The following STXBP5L variants were observed in gnomAD, a reference collection of about 807,000 sequenced individuals.
The protein encoded by STXBP5L is syntaxin binding protein 5L.
In STXBP5L, 65 loss-of-function variants were observed where a neutral mutation model predicts 144.5. The observed-to-expected ratio is 0.45, with a 90% confidence interval of 0.37 to 0.55. The LOEUF (loss-of-function observed/expected upper bound fraction) is 0.55, where lower values mean the gene tolerates loss of function less well. STXBP5L is among the 20% of genes least tolerant of loss of function. STXBP5L has a pLI of 0.00. For missense variants in STXBP5L, 1,298 were observed against 1,405.5 expected (o/e 0.92, Z 1.22); for synonymous variants, 505 against 469.6 (o/e 1.08, Z -0.97).
chr3:121,112,819 G>C (rs1218976306), intron 5 of STXBP5L, among the ~76,000 whole-genome samples: 1 of 152,130 alleles, frequency 6.6e-6, no homozygotes, highest in East Asian at 1.9e-4. Flanking sequence ...AGTTACAAAT[G>C]AAAGTGTAAT....
intron 18 of STXBP5L, among the ~76,000 whole-genome samples, chr3:121,272,833 A>C (rs2050770237): frequency 6.6e-6 from 1 of 151,996 alleles, no homozygotes; most frequent in Non-Finnish European, 1.5e-5. Flanking sequence ...CTTATACTTA[A>C]TAACAGTCTA....
intron 3 of STXBP5L, among the ~76,000 whole-genome samples, chr3:121,011,039 G>C (rs1447846020): frequency 6.7e-6 from 1 of 150,048 alleles, no homozygotes; most frequent in Non-Finnish European, 1.5e-5. Flanking sequence ...TAATCATTTG[G>C]TTGTCTTTCT....
chr3:121,046,525 T>C (rs1167756901), intron 5 of STXBP5L, among the ~76,000 whole-genome samples: 2 of 152,052 alleles, frequency 1.3e-5, no homozygotes, highest in Non-Finnish European at 2.9e-5. Context: ...TTATTACTGA[T>C]TTAATTTTGG....
At chr3:120,950,085 AC>A (rs1177254406) in intron 2 of STXBP5L, among the ~76,000 whole-genome samples, 11 of 152,078 alleles carry the variant, frequency 7.2e-5, no homozygotes, top group Admixed American at 4.6e-4. Context: ...ATTTAAAAAA[AC>A]ATTACCTAAT....
intron 9 of STXBP5L, among the ~76,000 whole-genome samples, chr3:121,199,914 T>C (rs2048072121): frequency 1.3e-5 from 2 of 152,196 alleles, no homozygotes; most frequent in South Asian, 4.1e-4. Context: ...TTTGTATTGA[T>C]GTTCATCAGG....
At chr3:121,003,236 A>G (rs1239057739) in intron 3 of STXBP5L, among the ~76,000 whole-genome samples, 2 of 152,006 alleles carry the variant, frequency 1.3e-5, no homozygotes, top group Non-Finnish European at 2.9e-5. Flanking sequence ...TGACTTTTTA[A>G]TGATTGCCAT....
intron 9 of STXBP5L, among the ~76,000 whole-genome samples, chr3:121,166,305 T>G (rs978861647): frequency 4.6e-5 from 7 of 152,186 alleles, no homozygotes; most frequent in African/African-American, 1.7e-4. Context: ...GTTCCTGGCT[T>G]TCATATATTT....
At position 121,053,898 on chromosome 3, in the gene STXBP5L, A is replaced by T. The variant is rs897024659; in HGVS notation, c.470+8363A>T. Among the ~76,000 whole-genome samples, 61 of 152,050 alleles carry T rather than the reference A, an allele frequency of 4.0e-4. 1 individual carries two copies. Among genetic ancestry groups the T allele is most frequent in the Non-Finnish European group, 7.9e-4 (54 of 68,008 alleles). ...AACTCAAACAAATTTACAAGAAAAA[A>T]AAACAAACAACCCCATCAAAAAGTG... On this transcript the variant is annotated intron_variant, in intron 5 of 26. Transcript: ENST00000471454.
In STXBP5L at chr3:120,920,469, C is replaced by T. The variant is rs564680893; in HGVS notation, c.189+10702C>T. 2.0e-5 allele frequency among the ~76,000 whole-genome samples: 3 copies of T among 151,640 alleles called. 1 individual carries two copies. The South Asian group carries it at 6.2e-4, about 31-fold the overall frequency. The stretch of plus-strand genomic sequence containing the variant: ...ATCAGTATAATTGGGATATACGTCA[C>T]CTTAAATATTTGTCTTTGCTTTATG... On this transcript the variant is annotated intron_variant, in intron 2 of 26. Coordinates refer to ENST00000471454, the MANE Select transcript of STXBP5L (RefSeq NM_001308330.2).
intron 7 of STXBP5L, among the ~76,000 whole-genome samples, chr3:121,143,642 A>G (rs756810900): frequency 6.6e-6 from 1 of 151,940 alleles, no homozygotes; most frequent in Non-Finnish European, 1.5e-5. Context: ...AGAGCCCAGA[A>G]ATAATCCATA....
intron 5 of STXBP5L, among the ~76,000 whole-genome samples, chr3:121,089,092 TAAAAAAAA>T (rs375977537): frequency 1.6e-4 from 9 of 56,156 alleles, no homozygotes; most frequent in Admixed American, 2.8e-4. Flanking sequence ...TAGAGTATAA[TAAAAAAAA>T]AAAAAAAAAA....
intron 2 of STXBP5L, among the ~76,000 whole-genome samples, chr3:120,915,645 T>C (rs115184697): frequency 6.6e-6 from 1 of 152,142 alleles, no homozygotes; most frequent in Non-Finnish European, 1.5e-5. Flanking sequence ...TTTGAAAGGC[T>C]AATCTTTTAA....
At chr3:120,982,222 C>T (rs754170729) in intron 3 of STXBP5L, among the ~76,000 whole-genome samples, 36 of 152,212 alleles carry the variant, frequency 2.4e-4, no homozygotes, top group Non-Finnish European at 3.5e-4. Context: ...CTGGGAGGTG[C>T]TCTCTGTTGT....
intron 3 of STXBP5L, among the ~76,000 whole-genome samples, chr3:120,981,291 T>A (rs1443242311): frequency 1.3e-5 from 2 of 152,210 alleles, no homozygotes; most frequent in South Asian, 2.1e-4. Context: ...ATTCCCTCAA[T>A]TTTTTTAATA....
At chr3:121,172,480 G>C (rs768060955) in intron 9 of STXBP5L, among the ~76,000 whole-genome samples, 48 of 151,886 alleles carry the variant, frequency 3.2e-4, no homozygotes, top group Non-Finnish European at 6.9e-4. Flanking sequence ...AACTTAACAA[G>C]TTTACAAGTA....
At chr3:121,057,018 A>G (rs1056535026) in intron 5 of STXBP5L, among the ~76,000 whole-genome samples, 6 of 150,876 alleles carry the variant, frequency 4.0e-5, no homozygotes, top group African/African-American at 1.5e-4. Context: ...CACACAATAT[A>G]TTGTTAAACA....
chr3:121,286,724 A>G (rs2051244530), intron 19 of STXBP5L, among the ~76,000 whole-genome samples: 1 of 152,172 alleles, frequency 6.6e-6, no homozygotes, highest in South Asian at 2.1e-4. Context: ...AAGATAGAGT[A>G]GCAAGTACCA....
At chr3:121,037,413 A>C (rs987569124) in intron 3 of STXBP5L, among the ~76,000 whole-genome samples, 1 of 151,714 alleles carries the variant, frequency 6.6e-6, no homozygotes, top group African/African-American at 2.4e-5. Flanking sequence ...GAACCCAGCT[A>C]ATTTTATTAT....
At chr3:121,331,052 G>A (rs1335771667) in intron 20 of STXBP5L, among the ~76,000 whole-genome samples, 2 of 152,200 alleles carry the variant, frequency 1.3e-5, no homozygotes, top group African/African-American at 2.4e-5. Context: ...AGACCCAGAA[G>A]AGCAGCATTC....
Sources: allele counts gnomAD v4.1 joint callset (sites outside exome capture counted in the v4.1 genomes callset), GRCh38; gene constraint gnomAD v4.1.1; transcripts MANE v1.5; gene names NCBI Gene and HGNC (gene_info 2026-07-23, HGNC 2026-07-21).